FRY: variants seen among roughly 807,000 people sequenced by gnomAD.
FRY encodes FRY microtubule binding protein.
Under a neutral mutation model 348.4 loss-of-function variants are expected in FRY, and 128 were observed. That is an observed-to-expected ratio of 0.37 (90% confidence interval 0.32 to 0.43). The LOEUF (loss-of-function observed/expected upper bound fraction) is 0.43. Among genes scored for constraint, FRY ranks in the 20% least tolerant of loss-of-function variants. FRY has a pLI of 1.00. For synonymous variants in FRY, 1,370 were observed against 1,374.7 expected (o/e 1.00, Z 0.08); for missense variants, 2,736 against 3,695.2 (o/e 0.74, Z 6.73).
chr13:32,291,252 G>A lies in FRY; in HGVS notation c.8580+1509G>A, dbSNP rs372163820. 9.2e-5 allele frequency among the ~76,000 whole-genome samples: 14 copies of A among 152,098 alleles called. 1 individual carries two copies. The South Asian group carries it at 2.3e-3, about 25-fold the overall frequency. On this transcript the variant is annotated intron_variant, in intron 59 of 60. Transcript: ENST00000542859. The stretch of plus-strand genomic sequence containing the variant: ...GTTTGAAAAAAGGAAAAAACTATAC[G>A]ACTTTATACTTTCAAATGCTTATTT...
intron 1 of FRY, among the ~76,000 whole-genome samples, chr13:32,055,213 G>C (rs1873557039): frequency 6.6e-6 from 1 of 151,898 alleles, no homozygotes. Context: ...CCCAGCTAAT[G>C]TTTGTGTTTT....
In FRY at chr13:32,225,910, A is replaced by G; in HGVS notation, c.5142A>G (p.Arg1714=). The G allele has an allele frequency of 6.2e-7, 1 of 1,614,148 alleles. No homozygotes were observed. The part of the protein sequence containing the change: ...HSIASVLLQT[R]EMGEAKTLTV... The stretch of plus-strand genomic sequence containing the variant: ...TTGCTTCCGTGCTCCTGCAGACCCG[A>G]GAGATGGGTGAAGCTAAGACTCTAA... Residue 1714 remains arginine (R), a synonymous_variant, in exon 39 of 61, where the codon CGA becomes CGG. Transcript: ENST00000542859.
chr13:32,245,299 T>TAATGAA, intron 47 of FRY, among the ~76,000 whole-genome samples: 1 of 151,998 alleles, frequency 6.6e-6, no homozygotes, highest in South Asian at 2.1e-4. Context: ...CAATTTATTT[T>TAATGAA]AATGAAAATA....
At chr13:32,181,646 A>ATT (rs1273303847) in intron 23 of FRY, among the ~76,000 whole-genome samples, 1 of 151,864 alleles carries the variant, frequency 6.6e-6, no homozygotes, top group Non-Finnish European at 1.5e-5. Flanking sequence ...ATTACCCAAC[A>ATT]TTCTTACCTG....
At chr13:32,228,381 C>A (rs921758452) in intron 39 of FRY, 75 bp from the exon 40 acceptor site, 2 of 1,080,914 alleles carry the variant, frequency 1.9e-6, no homozygotes, top group South Asian at 1.2e-5. Flanking sequence ...CCCTGCCCTC[C>A]TCTGTGGACC....
chr13:32,133,211 T>C (rs1879479727), intron 8 of FRY, among the ~76,000 whole-genome samples: 1 of 152,210 alleles, frequency 6.6e-6, no homozygotes, highest in Non-Finnish European at 1.5e-5. Context: ...TATGTCACAA[T>C]AAAACTATTA....
intron 7 of FRY, among the ~76,000 whole-genome samples, chr13:32,125,996 C>T (rs1486406558): frequency 6.6e-6 from 1 of 151,974 alleles, no homozygotes; most frequent in African/African-American, 2.4e-5. Context: ...TTGCATGAGG[C>T]TATATTGTAG....
At chr13:32,157,560 C>T (rs932940131) in intron 16 of FRY, among the ~76,000 whole-genome samples, 155 bp downstream of exon 16, 1 of 151,946 alleles carries the variant, frequency 6.6e-6, no homozygotes, top group Non-Finnish European at 1.5e-5. Context: ...ATTTGATTAA[C>T]TATAAAAATA....
At chr13:32,166,478 C>T (rs183008767) in intron 17 of FRY, among the ~76,000 whole-genome samples, 76 of 152,284 alleles carry the variant, frequency 5.0e-4, no homozygotes, top group Admixed American at 7.2e-4. Flanking sequence ...CCTGAGTAGT[C>T]AGAATGGCTG....
intron 3 of FRY, among the ~76,000 whole-genome samples, chr13:32,103,023 A>T (rs1446025958): frequency 6.6e-6 from 1 of 152,294 alleles, no homozygotes; most frequent in African/African-American, 2.4e-5. Flanking sequence ...ACAAATTTAG[A>T]CTTGTATGAT....
chr13:32,121,722 G>A (rs1487235164), intron 4 of FRY, among the ~76,000 whole-genome samples: 2 of 152,176 alleles, frequency 1.3e-5, no homozygotes, highest in African/African-American at 4.8e-5. Context: ...CTCCCACTCT[G>A]TGGGTTGTCT....
intron 59 of FRY, among the ~76,000 whole-genome samples, chr13:32,291,665 C>T (rs1889375585): frequency 6.6e-6 from 1 of 152,018 alleles, no homozygotes; most frequent in South Asian, 2.1e-4. Flanking sequence ...TCGGCCCCCA[C>T]AAAGTGAACT....
intron 1 of FRY, among the ~76,000 whole-genome samples, chr13:32,076,230 G>A (rs1875046719): frequency 6.6e-6 from 1 of 152,134 alleles, no homozygotes; most frequent in Admixed American, 6.5e-5. Context: ...TGCAATAACT[G>A]TATATATTAT....
chr13:32,069,236 T>C (rs866814737), intron 1 of FRY, among the ~76,000 whole-genome samples: 5 of 152,136 alleles, frequency 3.3e-5, no homozygotes, highest in South Asian at 2.1e-4. Flanking sequence ...TTCTTTTTCG[T>C]ACTCCTAGCC....
intron 58 of FRY, among the ~76,000 whole-genome samples, chr13:32,285,886 A>G (rs928069895): frequency 1.3e-5 from 2 of 152,240 alleles, no homozygotes; most frequent in African/African-American, 4.8e-5. Context: ...GTTTGGTTTT[A>G]GAAACCTTTA....
At chr13:32,169,679 T>G (rs1881945302) in intron 17 of FRY, among the ~76,000 whole-genome samples, 1 of 152,146 alleles carries the variant, frequency 6.6e-6, no homozygotes, top group Non-Finnish European at 1.5e-5. Flanking sequence ...ACCTCACTCT[T>G]GCAGGCACCT....
chr13:32,254,426 G>A (rs537079734), intron 51 of FRY, 32 bp downstream of exon 51: 11 of 1,580,088 alleles, frequency 7.0e-6, no homozygotes, highest in Middle Eastern at 1.7e-4. Context: ...AATAATCCCC[G>A]CACCCTTTTC....
At chr13:32,174,565 A>G (rs1011685804) in intron 19 of FRY, among the ~76,000 whole-genome samples, 6 of 152,220 alleles carry the variant, frequency 3.9e-5, no homozygotes, top group African/African-American at 1.2e-4. Context: ...ACTGAGGCTT[A>G]GAGAGGTTAA....
chr13:32,240,752 G>C lies in FRY; in HGVS notation c.6687+871G>C, dbSNP rs540319367. Among the ~76,000 whole-genome samples, 16 of 152,268 alleles carry C rather than the reference G, an allele frequency of 1.1e-4. No homozygotes were observed. The South Asian group carries it at 3.3e-3, about 32-fold the overall frequency. On this transcript the variant is annotated intron_variant, in intron 46 of 60. Transcript: ENST00000542859. ...AGTGTTGCTTTTTCCTTTGTGATAC[G>C]CATTCATAGCTATCACTAGCACCTT... is the stretch of plus-strand genomic sequence containing the variant.
Sources: gnomAD v4.1 joint callset for allele counts (sites outside exome capture counted in the v4.1 genomes callset) on GRCh38, gnomAD v4.1.1 for gene constraint, MANE v1.5 for transcripts, NCBI Gene and HGNC (gene_info 2026-07-23, HGNC 2026-07-21) for gene names.